The following FKBP7 variants were observed in gnomAD, a reference collection of about 807,000 sequenced individuals.
FKBP7 encodes the protein FKBP prolyl isomerase 7, also known as peptidyl-prolyl cis-trans isomerase FKBP7.
A neutral mutation model predicts 24.3 loss-of-function variants in FKBP7; 24 were observed. The observed-to-expected ratio is 0.99, with a 90% CI of 0.72 to 1.39. FKBP7 has a LOEUF of 1.39. Among genes scored for constraint, FKBP7 ranks in the 40% most tolerant of loss-of-function variants. The pLI, the probability that FKBP7 is intolerant of heterozygous loss-of-function variation, is 0.00. For missense variants in FKBP7, 257 were observed against 269.5 expected, an observed-to-expected ratio of 0.95 and a Z score of 0.33; for synonymous variants, 98 against 92.8, an observed-to-expected ratio of 1.06 and a Z score of -0.32.
chr2:178,470,295 T>C (rs912927114), intron 2 of FKBP7, among the ~76,000 whole-genome samples: 3 of 152,238 alleles, frequency 2.0e-5, no homozygotes, highest in African/African-American at 7.2e-5. Context: ...TTGTATTAGA[T>C]ATTATAAGTA....
intron 2 of FKBP7, among the ~76,000 whole-genome samples, chr2:178,472,465 G>A (rs919483925): frequency 6.6e-6 from 1 of 151,618 alleles, no homozygotes; most frequent in African/African-American, 2.4e-5. Context: ...TTGGCCGGGC[G>A]CAGTGGCTTA....
In FKBP7 at chr2:178,469,688, T is replaced by C. The variant is rs757978332; in HGVS notation, c.471A>G (p.Ile157Met). 3 of 1,614,060 alleles carry C rather than the reference T, an allele frequency of 1.9e-6. No homozygotes were observed. The African/African-American group carries it at 4.0e-5, about 22-fold the overall frequency. The change falls in exon 3 of 4, where the codon ATA becomes ATG. Residue 157 changes from isoleucine (I) to methionine (M), a missense_variant. Transcript: ENST00000424785. ...GPRSIETFKQIDMDNDRQLSK... is the reference protein window; with the variant it reads ...GPRSIETFKQMDMDNDRQLSK... ...AGAGCTGCCTGTCATTGTCCATGTC[T>C]ATTTGTTTAAATGTCTCAATGCTCC... is the stretch of plus-strand genomic sequence containing the variant.
In FKBP7 at chr2:178,465,821, A is replaced by G. The variant is rs745512433; in HGVS notation, c.618T>C (p.Asp206=). The G allele has an allele frequency of 6.2e-7, 1 of 1,611,360 alleles. No homozygotes were observed. Among genetic ancestry groups the G allele is most frequent in the Admixed American group, 1.7e-5 (1 of 59,562 alleles). ...TGTATTCCTTGGGAGAAATGAAGCC[A>G]TCACCATCATGGTCATTCTTCTTAA... ...DIFKKNDHDG[D]GFISPKEYNV... The change falls in exon 4 of 4, where the codon GAT becomes GAC. Residue 206 remains aspartate (D), a synonymous_variant. Coordinates refer to ENST00000424785, the MANE Select transcript of FKBP7 (RefSeq NM_181342.3).
At chr2:178,476,440 C>T (rs1221895928) in intron 2 of FKBP7, among the ~76,000 whole-genome samples, 2 of 152,156 alleles carry the variant, frequency 1.3e-5, no homozygotes, top group African/African-American at 2.4e-5. Context: ...ACCATGCAAC[C>T]AATCTCCAGA....
At chr2:178,476,603 G>A (rs1685006625) in intron 2 of FKBP7, among the ~76,000 whole-genome samples, 1 of 151,772 alleles carries the variant, frequency 6.6e-6, no homozygotes, top group Non-Finnish European at 1.5e-5. Flanking sequence ...TACAGTATTT[G>A]TCTTTTTGTG....
At chr2:178,472,381 T>C (rs1684870733) in intron 2 of FKBP7, among the ~76,000 whole-genome samples, 1 of 152,110 alleles carries the variant, frequency 6.6e-6, no homozygotes, top group South Asian at 2.1e-4. Flanking sequence ...AGCCCAAAAC[T>C]TGAATTTCTT....
intron 2 of FKBP7, among the ~76,000 whole-genome samples, chr2:178,470,841 A>T (rs1409525528): frequency 6.6e-6 from 1 of 152,160 alleles, no homozygotes; most frequent in Non-Finnish European, 1.5e-5. Context: ...AAGAAATTGT[A>T]TACATTTTTA....
rs987640543 is a variant in FKBP7 at position 178,465,167 on chromosome 2, T to C, written c.*603A>G. ...TCAAATATTTTTAAACATTCCCCAC[T>C]GGAAAATACCCAAGGCTAGAAGCTT... is the stretch of plus-strand genomic sequence containing the variant. On this transcript the variant is annotated 3_prime_UTR_variant, in exon 4 of 4. Transcript: ENST00000424785. The C allele has an allele frequency of 1.3e-5, 2 of 152,170 alleles. No individual in the cohort carries two copies. The highest frequency in any genetic ancestry group is 4.8e-5 in the African/African-American group (2 of 41,444). The allele number at this position is 152,170 out of a possible 1,614,324, so 9.4% of individuals were successfully genotyped here. A position where few individuals can be genotyped will look rare whatever the true frequency, so the allele number is the denominator to read the frequency against.
intron 3 of FKBP7, among the ~76,000 whole-genome samples, chr2:178,468,164 C>G (rs1023399239): frequency 6.6e-6 from 1 of 152,182 alleles, no homozygotes; most frequent in Non-Finnish European, 1.5e-5. Flanking sequence ...TTAGCTTTTA[C>G]TACTTACTTA....
chr2:178,472,653 A>AGGT (rs1684880595), intron 2 of FKBP7, among the ~76,000 whole-genome samples: 1 of 151,796 alleles, frequency 6.6e-6, no homozygotes, highest in Admixed American at 6.6e-5. Context: ...GTTCGAGACC[A>AGGT]GCCTGGCCAA....
intron 2 of FKBP7, among the ~76,000 whole-genome samples, chr2:178,470,668 G>C (rs1301468048): frequency 1.3e-5 from 2 of 151,494 alleles, no homozygotes; most frequent in South Asian, 2.1e-4. Context: ...CCAGTAACAG[G>C]CTGGGCACAG....
chr2:178,469,866 A>G (rs1331570857), intron 2 of FKBP7, 81 bp from the exon 3 acceptor site: 1 of 1,104,580 alleles, frequency 9.1e-7, no homozygotes, highest in African/African-American at 1.6e-5. Flanking sequence ...TAACCATATT[A>G]TATTATTTCA....
rs146483247 is a variant in FKBP7, at chr2:178,477,116, C to T, written c.319G>A (p.Glu107Lys). ...DIAMTDMCPGEKRKVVIPPSF... is the reference protein window; with the variant it reads ...DIAMTDMCPGKKRKVVIPPSF... ...GGGGGTATAACTACTTTTCGCTTTT[C>T]TCCAGGGCACATATCTGTCATAGCA... The change falls in exon 2 of 4, where the codon GAA becomes AAA. Residue 107 changes from glutamate (E) to lysine (K), a missense_variant. Transcript: ENST00000424785. 5.0e-6 allele frequency: 8 copies of T among 1,613,180 alleles called. No homozygotes were observed. In the African/African-American group the frequency reaches 9.4e-5, roughly 19 times the overall value.
At position 178,465,020 on chromosome 2, in the gene FKBP7, T is replaced by C. The variant is rs1311441602; in HGVS notation, c.*750A>G. 2 of 148,668 alleles carry C rather than the reference T, an allele frequency of 1.3e-5. No homozygotes were observed. Among genetic ancestry groups the C allele is most frequent in the African/African-American group, 5.2e-5 (2 of 38,564 alleles). 9.2% of individuals were successfully genotyped at this position (148,668 alleles called of 1,614,324 possible). On this transcript the variant is annotated 3_prime_UTR_variant, in exon 4 of 4. Transcript: ENST00000424785. ...AGACAAAAGCTTGGGGTGGCAGACATCTTATAAAGGTTTACAAGAGGGAAG... is the reference window on the plus strand; with the variant it reads ...AGACAAAAGCTTGGGGTGGCAGACACCTTATAAAGGTTTACAAGAGGGAAG...
intron 2 of FKBP7, among the ~76,000 whole-genome samples, chr2:178,471,631 C>G (rs2154126885): frequency 6.6e-6 from 1 of 152,292 alleles, no homozygotes; most frequent in East Asian, 1.9e-4. Context: ...CAGTATATTG[C>G]CAGTGTCCTA....
intron 2 of FKBP7, among the ~76,000 whole-genome samples, chr2:178,474,428 C>CA (rs1384768573): frequency 3.3e-5 from 5 of 152,264 alleles, no homozygotes; most frequent in African/African-American, 1.2e-4. Context: ...TCAAATGGTA[C>CA]AAAATGTTAG....
At chr2:178,474,532 C>G (rs1019324190) in intron 2 of FKBP7, among the ~76,000 whole-genome samples, 2 of 152,188 alleles carry the variant, frequency 1.3e-5, no homozygotes, top group South Asian at 2.1e-4. Context: ...CAGATGTATT[C>G]TGTGTAGATA....
At chr2:178,477,509 T>C (rs753618152) in intron 1 of FKBP7, among the ~76,000 whole-genome samples, 1 of 152,140 alleles carries the variant, frequency 6.6e-6, no homozygotes, top group Non-Finnish European at 1.5e-5. Context: ...GCATGGCTTG[T>C]ACAAAGAACT....
intron 2 of FKBP7, among the ~76,000 whole-genome samples, chr2:178,475,588 A>C (rs1352186945): frequency 6.6e-6 from 1 of 152,214 alleles, no homozygotes; most frequent in Non-Finnish European, 1.5e-5. Flanking sequence ...CATTCCCAGC[A>C]ATAATGCTGG....
Sources: allele counts gnomAD v4.1 joint callset (sites outside exome capture counted in the v4.1 genomes callset), GRCh38; gene constraint gnomAD v4.1.1; transcripts MANE v1.5; gene names NCBI Gene and HGNC (gene_info 2026-07-23, HGNC 2026-07-21).